Variants in RGS9 observed in about 807,000 individuals in gnomAD.
RGS9 encodes the protein regulator of G-protein signalling 9.
Under a neutral mutation model 102.0 loss-of-function variants are expected in RGS9, and 78 were observed. The ratio of observed to expected loss-of-function variants is 0.76; its 90% CI spans 0.64 to 0.92. The LOEUF is 0.92. Among genes scored for constraint, RGS9 ranks in the 40% least tolerant of loss-of-function variants. RGS9 has a pLI of 0.00. For synonymous variants in RGS9, 353 were observed against 318.6 expected, an observed-to-expected ratio of 1.11 and a Z score of -1.15; for missense variants, 833 against 866.1, an observed-to-expected ratio of 0.96 and a Z score of 0.48.
intron 15 of RGS9, among the ~76,000 whole-genome samples, chr17:65,206,269 T>C (rs1260645913): frequency 6.6e-6 from 1 of 152,186 alleles, no homozygotes; most frequent in African/African-American, 2.4e-5. Context: ...CAGTGGGGTG[T>C]TTCTGTGTGT....
intron 15 of RGS9, among the ~76,000 whole-genome samples, chr17:65,205,748 G>A (rs1210772239): frequency 1.3e-5 from 2 of 151,658 alleles, no homozygotes; most frequent in Non-Finnish European, 2.9e-5. Context: ...ATGTGATATA[G>A]GTTATATGAT....
chr17:65,219,357 C>T (rs894638733), intron 17 of RGS9, among the ~76,000 whole-genome samples: 3 of 152,206 alleles, frequency 2.0e-5, no homozygotes, highest in African/African-American at 7.2e-5. Flanking sequence ...GCTATTGTTC[C>T]AGCAGGTGGC....
At chr17:65,172,813 G>A (rs1174252978) in intron 8 of RGS9, among the ~76,000 whole-genome samples, 4 of 152,176 alleles carry the variant, frequency 2.6e-5, no homozygotes, top group Admixed American at 6.5e-5. Flanking sequence ...GACACAGGAC[G>A]TGGAGAGTGA....
At chr17:65,139,057 A>G (rs67171118) in intron 1 of RGS9, among the ~76,000 whole-genome samples, 3,160 of 69,502 alleles carry the variant, frequency 0.045, 297 homozygotes, top group African/African-American at 0.055. Flanking sequence ...CCTCCACCCT[A>G]ACCTCTCCCT....
At chr17:65,160,711 G>T in intron 5 of RGS9, 124 bp downstream of exon 5, 1 of 1,386,060 alleles carries the variant, frequency 7.2e-7, no homozygotes. Context: ...CATCTGTACT[G>T]GGCATGTCCC....
chr17:65,157,561 A>C (rs1910812806), intron 2 of RGS9, among the ~76,000 whole-genome samples: 1 of 151,782 alleles, frequency 6.6e-6, no homozygotes. Flanking sequence ...GCTGTTTTTC[A>C]TGCCATTTTT....
chr17:65,210,207 G>T (rs1476122131), intron 16 of RGS9, among the ~76,000 whole-genome samples: 2 of 152,112 alleles, frequency 1.3e-5, no homozygotes, highest in East Asian at 3.8e-4. Context: ...ATAACAAATT[G>T]ATTTCTACAT....
intron 8 of RGS9, among the ~76,000 whole-genome samples, chr17:65,172,661 C>T (rs745473024): frequency 6.6e-5 from 10 of 152,130 alleles, no homozygotes; most frequent in Admixed American, 2.6e-4. Context: ...AGACATTGCC[C>T]GTGACCTCAA....
At position 65,168,225 on chromosome 17, in the gene RGS9, G is replaced by C; in HGVS notation, c.526G>C (p.Asp176His). The change falls in exon 8 of 19, where the codon GAC becomes CAC. Residue 176 changes from aspartate (D) to histidine (H), a missense_variant. This residue lies in a region of RGS9 where 328 missense variants were observed against 340.6 expected (regional missense o/e 0.96). Coordinates refer to ENST00000262406, the MANE Select transcript of RGS9 (RefSeq NM_003835.4). ...YRAGKERNKA[D>H]RYALDCQEKA... Reference sequence around the variant, plus strand: ...GGCTGGAAAGGAGAGGAACAAAGCAGACAGATATGCCCTGGACTGCCAGGA... The same window carrying C: ...GGCTGGAAAGGAGAGGAACAAAGCACACAGATATGCCCTGGACTGCCAGGA... The C allele has an allele frequency of 6.2e-7, 1 of 1,611,464 alleles. No homozygotes were observed. Among genetic ancestry groups the C allele is most frequent in the Non-Finnish European group, 8.5e-7 (1 of 1,178,946 alleles).
rs147640769 is a variant in RGS9, at chr17:65,225,439, G to A, written c.1845G>A (p.Gly615=). The A allele has an allele frequency of 6.2e-7, 1 of 1,608,036 alleles. No individual in the cohort carries two copies. The highest frequency in any genetic ancestry group is 8.5e-7 in the Non-Finnish European group (1 of 1,180,008). The change falls in exon 18 of 19, where the codon GGG becomes GGA. Residue 615 remains glycine, a synonymous_variant. Coordinates refer to ENST00000262406, the MANE Select transcript of RGS9 (RefSeq NM_003835.4). The part of the protein sequence containing the change: ...AVSHGRVQPL[G]DVGQQLPRLK... ...CCCACGGGAGGGTGCAGCCCCTGGG[G>A]GACGTGGGCCAGCAGCTGCCACGAT...
At chr17:65,197,103 G>A in intron 12 of RGS9, 23 bp from the exon 13 acceptor site, 1 of 1,567,366 alleles carries the variant, frequency 6.4e-7, no homozygotes, top group South Asian at 1.1e-5. Context: ...CCTCTCTGGT[G>A]CATTTACAAA....
intron 12 of RGS9, among the ~76,000 whole-genome samples, chr17:65,195,736 C>G (rs1350695804): frequency 1.3e-5 from 2 of 152,192 alleles, no homozygotes; most frequent in Non-Finnish European, 2.9e-5. Flanking sequence ...AACGTTCAGG[C>G]CTTATCCTCC....
intron 9 of RGS9, among the ~76,000 whole-genome samples, chr17:65,178,097 G>A (rs1402792411): frequency 6.6e-6 from 1 of 152,136 alleles, no homozygotes; most frequent in African/African-American, 2.4e-5. Flanking sequence ...TTCCCCCTTC[G>A]AAAATCTGAT....
At chr17:65,181,678 G>A (rs900727921) in intron 9 of RGS9, among the ~76,000 whole-genome samples, 19 of 152,228 alleles carry the variant, frequency 1.2e-4, no homozygotes, top group Non-Finnish European at 2.6e-4. Flanking sequence ...AGGGATGAGG[G>A]CAGTGTCGGG....
At chr17:65,192,083 T>C (rs561471146) in intron 11 of RGS9, among the ~76,000 whole-genome samples, 9 of 152,296 alleles carry the variant, frequency 5.9e-5, no homozygotes, top group South Asian at 2.1e-4. Flanking sequence ...GTTTTTTAAA[T>C]TGACACATAA....
At chr17:65,184,046 TGA>T (rs1912009463) in intron 9 of RGS9, among the ~76,000 whole-genome samples, 1 of 152,188 alleles carries the variant, frequency 6.6e-6, no homozygotes, top group Non-Finnish European at 1.5e-5. Context: ...GTCGCTGAGA[TGA>T]GGCATAAAGA....
intron 7 of RGS9, among the ~76,000 whole-genome samples, chr17:65,165,942 T>C (rs1328122891): frequency 6.6e-6 from 1 of 152,216 alleles, no homozygotes; most frequent in Non-Finnish European, 1.5e-5. Context: ...GGGAAGGTCT[T>C]GGCCTATCAA....
chr17:65,188,008 T>TAAC (rs1204220136), intron 9 of RGS9, among the ~76,000 whole-genome samples: 1 of 151,732 alleles, frequency 6.6e-6, no homozygotes, highest in Non-Finnish European at 1.5e-5. Context: ...ACAACAGCAA[T>TAAC]AACAACAACA....
At chr17:65,150,927 G>A (rs1910554592) in intron 1 of RGS9, among the ~76,000 whole-genome samples, 1 of 152,170 alleles carries the variant, frequency 6.6e-6, no homozygotes, top group South Asian at 2.1e-4. Flanking sequence ...GGAACATGAA[G>A]TTTGAAACCT....
Sources: gnomAD v4.1 joint callset for allele counts (sites outside exome capture counted in the v4.1 genomes callset) on GRCh38, gnomAD v4.1.1 for gene constraint, gnomAD v4.1.1 regional missense constraint, MANE v1.5 for transcripts, NCBI Gene and HGNC (gene_info 2026-07-23, HGNC 2026-07-21) for gene names.